The following LDB2 variants were observed in gnomAD, a reference collection of about 807,000 sequenced individuals.
LDB2 encodes the protein LIM domain binding 2, also known as LIM domain-binding protein 2.
In LDB2, 12 loss-of-function variants were observed where a neutral mutation model predicts 44.3. The ratio of observed to expected loss-of-function variants is 0.27; its 90% confidence interval spans 0.17 to 0.44. The LOEUF (loss-of-function observed/expected upper bound fraction) is 0.44. LDB2 is among the 20% of genes least tolerant of loss of function. LDB2 has a pLI of 1.00. For synonymous variants in LDB2, 164 were observed against 174.8 expected, an observed-to-expected ratio of 0.94 and a Z score of 0.49; for missense variants, 344 against 473.5, an observed-to-expected ratio of 0.73 and a Z score of 2.54.
chr4:16,651,502 A>G (rs1163853591), intron 2 of LDB2, among the ~76,000 whole-genome samples: 1 of 152,112 alleles, frequency 6.6e-6, no homozygotes, highest in South Asian at 2.1e-4. Context: ...AGCTGTGTCT[A>G]TGTCTGGAGT....
rs529969093 is a variant in LDB2, at chr4:16,636,574, A to G, written c.236-40699T>C. ...TGCAGAGCCTTCAGGCTGTATGACA[A>G]CTTATATTTATGTATTTTGTTTTCA... On this transcript the variant is annotated intron_variant, in intron 2 of 7. Coordinates refer to ENST00000304523, the MANE Select transcript of LDB2 (RefSeq NM_001290.5). Among the ~76,000 whole-genome samples the G allele has an allele frequency of 1.9e-4, 29 of 152,230 alleles. 2 individuals carry two copies. In the South Asian group the frequency reaches 6.0e-3, roughly 32 times the overall value.
At chr4:16,700,774 G>C (rs561127826) in intron 2 of LDB2, among the ~76,000 whole-genome samples, 18 of 152,134 alleles carry the variant, frequency 1.2e-4, no homozygotes, top group Non-Finnish European at 1.6e-4. Flanking sequence ...ACACCTCCTG[G>C]GCCAGTTTGA....
At chr4:16,670,694 C>G (rs12331899) in intron 2 of LDB2, among the ~76,000 whole-genome samples, 1 of 152,182 alleles carries the variant, frequency 6.6e-6, no homozygotes, top group African/African-American at 2.4e-5. Flanking sequence ...GGGCAAATTA[C>G]TTAACTATCC....
At chr4:16,775,384 G>T (rs538867398) in intron 1 of LDB2, among the ~76,000 whole-genome samples, 1 of 152,262 alleles carries the variant, frequency 6.6e-6, no homozygotes, top group East Asian at 1.9e-4. Context: ...AGACATCAAT[G>T]ACATTATTCT....
intron 1 of LDB2, among the ~76,000 whole-genome samples, chr4:16,830,404 G>C (rs1033282063): frequency 6.6e-6 from 1 of 152,138 alleles, no homozygotes; most frequent in African/African-American, 2.4e-5. Flanking sequence ...TGTGGTGATT[G>C]TAAGTCCCCC....
intron 1 of LDB2, among the ~76,000 whole-genome samples, chr4:16,861,965 T>C (rs967762860): frequency 6.6e-6 from 1 of 152,184 alleles, no homozygotes; most frequent in African/African-American, 2.4e-5. Flanking sequence ...GCCCTTGACC[T>C]CAGTCAAGTT....
At chr4:16,648,980 CA>C (rs1276950056) in intron 2 of LDB2, among the ~76,000 whole-genome samples, 6 of 151,964 alleles carry the variant, frequency 3.9e-5, no homozygotes. Flanking sequence ...TTTTAAAAGT[CA>C]GAAATTATAG....
intron 1 of LDB2, among the ~76,000 whole-genome samples, chr4:16,853,501 A>G (rs1368111219): frequency 1.3e-5 from 2 of 152,216 alleles, no homozygotes; most frequent in Non-Finnish European, 2.9e-5. Flanking sequence ...GATGTGGAGA[A>G]AAATGAATTC....
chr4:16,735,237 G>A (rs1436095298), intron 2 of LDB2, among the ~76,000 whole-genome samples: 1 of 152,114 alleles, frequency 6.6e-6, no homozygotes, highest in East Asian at 1.9e-4. Flanking sequence ...CTGATATGGT[G>A]GGAGACAGGA....
chr4:16,647,969 C>T (rs150238789), intron 2 of LDB2, among the ~76,000 whole-genome samples: 1,810 of 152,310 alleles, frequency 0.012, 58 homozygotes, highest in Admixed American at 0.066. Context: ...GAATATAATG[C>T]ATCTCTTTCC....
intron 5 of LDB2, 31 bp from the exon 6 acceptor site, chr4:16,512,135 A>G: frequency 6.4e-7 from 1 of 1,567,220 alleles, no homozygotes; most frequent in Non-Finnish European, 8.7e-7. Context: ...TTGGCATTTC[A>G]CTACTTCATA....
intron 1 of LDB2, among the ~76,000 whole-genome samples, chr4:16,783,075 T>G (rs1773647322): frequency 6.6e-6 from 1 of 152,182 alleles, no homozygotes; most frequent in African/African-American, 2.4e-5. Context: ...GTGAAGAATT[T>G]GAGGCGTACA....
intron 1 of LDB2, among the ~76,000 whole-genome samples, chr4:16,874,294 T>C (rs955114329): frequency 5.3e-5 from 8 of 152,220 alleles, no homozygotes; most frequent in African/African-American, 1.9e-4. Flanking sequence ...AGAAAGAAGG[T>C]TACAAGACAA....
At chr4:16,579,630 A>G (rs576126758) in intron 5 of LDB2, among the ~76,000 whole-genome samples, 2 of 152,324 alleles carry the variant, frequency 1.3e-5, no homozygotes, top group African/African-American at 2.4e-5. Flanking sequence ...TATTTTCTCA[A>G]TGCATTCAAC....
chr4:16,555,039 C>T (rs1214703662), intron 5 of LDB2, among the ~76,000 whole-genome samples: 1 of 151,442 alleles, frequency 6.6e-6, no homozygotes, highest in African/African-American at 2.4e-5. Flanking sequence ...TATGAGAAAT[C>T]TCTGTACCTG....
chr4:16,697,134 C>A (rs1047739801), intron 2 of LDB2, among the ~76,000 whole-genome samples: 33 of 152,186 alleles, frequency 2.2e-4, no homozygotes, highest in Non-Finnish European at 8.8e-5. Context: ...TTCAAAAATC[C>A]TGTCTTTGGC....
At chr4:16,584,028 C>T (rs530475558) in intron 5 of LDB2, among the ~76,000 whole-genome samples, 4 of 152,232 alleles carry the variant, frequency 2.6e-5, no homozygotes, top group South Asian at 2.1e-4. Flanking sequence ...TACTGAATCA[C>T]GACGCACAAG....
At chr4:16,832,216 C>T (rs1483582807) in intron 1 of LDB2, among the ~76,000 whole-genome samples, 1 of 152,226 alleles carries the variant, frequency 6.6e-6, no homozygotes, top group African/African-American at 2.4e-5. Flanking sequence ...CATGTTCTCT[C>T]ATCTTCAGTA....
chr4:16,684,073 A>G (rs1294390349), intron 2 of LDB2, among the ~76,000 whole-genome samples: 8 of 152,230 alleles, frequency 5.3e-5, no homozygotes, highest in Non-Finnish European at 1.0e-4. Flanking sequence ...AGCTGGCAGC[A>G]ACTACTTTCC....
Sources: allele counts gnomAD v4.1 joint callset (sites outside exome capture counted in the v4.1 genomes callset), GRCh38; gene constraint gnomAD v4.1.1; transcripts MANE v1.5; gene names NCBI Gene and HGNC (gene_info 2026-07-23, HGNC 2026-07-21).